PRKCE: variants seen among roughly 807,000 people sequenced by gnomAD.
PRKCE encodes the protein protein kinase C epsilon type.
Under a neutral mutation model 85.4 loss-of-function variants are expected in PRKCE, and 16 were observed. The ratio of observed to expected loss-of-function variants is 0.19; its 90% CI spans 0.13 to 0.28. PRKCE has a LOEUF of 0.28. Ranked by LOEUF, PRKCE falls within the 10% of genes least tolerant of loss-of-function variation. The pLI, the probability that PRKCE is intolerant of heterozygous loss-of-function variation, is 1.00. For missense variants in PRKCE, 573 were observed against 975.2 expected, an observed-to-expected ratio of 0.59 and a Z score of 5.49; for synonymous variants, 388 against 371.5, an observed-to-expected ratio of 1.04 and a Z score of -0.51.
rs988763248 is a variant in PRKCE at position 46,041,639 on chromosome 2, A to G, written c.1437+31122A>G. ...TTACCAAGTTAACTGCCAAGTCACA[A>G]ATAATAGCTTTTTCCCTTAACTTGG... On this transcript the variant is annotated intron_variant, in intron 10 of 14. Coordinates refer to ENST00000306156, the MANE Select transcript of PRKCE (RefSeq NM_005400.3). The surrounding 1 kb of genome is among the most constrained non-coding windows in gnomAD (Gnocchi z 5.5). 1.3e-5 allele frequency among the ~76,000 whole-genome samples: 2 copies of G among 152,248 alleles called. No individual in the cohort carries two copies. The highest frequency in any genetic ancestry group is 4.8e-5 in the African/African-American group (2 of 41,466).
intron 1 of PRKCE, among the ~76,000 whole-genome samples, chr2:45,666,319 A>C (rs1285639107): frequency 1.3e-5 from 2 of 151,930 alleles, no homozygotes; most frequent in Admixed American, 1.3e-4. Flanking sequence ...TCATGGCACT[A>C]AATACCCTTC....
chr2:46,105,466 A>G (rs1344142302), intron 11 of PRKCE, among the ~76,000 whole-genome samples: 3 of 144,928 alleles, frequency 2.1e-5, no homozygotes, highest in Non-Finnish European at 4.5e-5. Flanking sequence ...TTTTTTTTTC[A>G]CAATAGTGCT....
At chr2:45,910,465 C>G (rs1055286939) in intron 2 of PRKCE, among the ~76,000 whole-genome samples, 1 of 152,136 alleles carries the variant, frequency 6.6e-6, no homozygotes, top group Non-Finnish European at 1.5e-5. Context: ...GTGAGTTGCA[C>G]GATAGAAAGG....
chr2:46,049,076 T>C (rs1396420877), intron 10 of PRKCE, among the ~76,000 whole-genome samples: 1 of 152,202 alleles, frequency 6.6e-6, no homozygotes, highest in Non-Finnish European at 1.5e-5. Flanking sequence ...AGTCCCGTGA[T>C]GTCTCTTACC....
chr2:45,906,335 G>A (rs1025193579), intron 2 of PRKCE, among the ~76,000 whole-genome samples: 2 of 152,238 alleles, frequency 1.3e-5, no homozygotes, highest in African/African-American at 2.4e-5. Context: ...GGTTTCTGGA[G>A]GCAGGAAGTC....
At chr2:45,708,997 C>T (rs1038891381) in intron 1 of PRKCE, among the ~76,000 whole-genome samples, 6 of 152,210 alleles carry the variant, frequency 3.9e-5, no homozygotes, top group Non-Finnish European at 7.3e-5. Flanking sequence ...TGGGGATTTA[C>T]CTGTTACTCT....
At chr2:46,183,717 C>A (rs1254179840) in intron 14 of PRKCE, among the ~76,000 whole-genome samples, 1 of 152,198 alleles carries the variant, frequency 6.6e-6, no homozygotes, top group Non-Finnish European at 1.5e-5. Context: ...CTTCTCCCTG[C>A]CAAGGTGCCT....
chr2:45,989,323 T>C (rs2104633534), intron 6 of PRKCE, among the ~76,000 whole-genome samples: 1 of 152,362 alleles, frequency 6.6e-6, no homozygotes, highest in East Asian at 1.9e-4. Flanking sequence ...ACTGCTCTGA[T>C]CTGCGGCTGT....
intron 2 of PRKCE, among the ~76,000 whole-genome samples, chr2:45,933,275 G>A (rs2104081169): frequency 6.6e-6 from 1 of 152,244 alleles, no homozygotes; most frequent in South Asian, 2.1e-4. Flanking sequence ...GGCTTACCTT[G>A]TAGTTCCTTA....
At chr2:45,874,224 C>T (rs972036638) in intron 2 of PRKCE, among the ~76,000 whole-genome samples, 1 of 152,230 alleles carries the variant, frequency 6.6e-6, no homozygotes, top group Non-Finnish European at 1.5e-5. Context: ...GTGGGAGTCC[C>T]TTTTCTCCTG....
At chr2:45,978,866 C>A in intron 3 of PRKCE, 110 bp from the exon 4 acceptor site, 1 of 848,664 alleles carries the variant, frequency 1.2e-6, no homozygotes, top group Non-Finnish European at 1.9e-6. Context: ...CTGCATACTT[C>A]ATGTACTTGG....
At chr2:46,071,940 A>G (rs1211575764) in intron 10 of PRKCE, among the ~76,000 whole-genome samples, 1 of 152,214 alleles carries the variant, frequency 6.6e-6, no homozygotes, top group Non-Finnish European at 1.5e-5. Flanking sequence ...TACAGGGTGT[A>G]GACTGGAGTC....
At chr2:45,705,922 G>C (rs1049571646) in intron 1 of PRKCE, among the ~76,000 whole-genome samples, 1 of 152,194 alleles carries the variant, frequency 6.6e-6, no homozygotes, top group African/African-American at 2.4e-5. Flanking sequence ...CCTGGGTGTG[G>C]AGTGGGGCCT....
chr2:45,850,375 G>A (rs1370167514), intron 2 of PRKCE, among the ~76,000 whole-genome samples: 9 of 152,158 alleles, frequency 5.9e-5, no homozygotes, highest in Non-Finnish European at 8.8e-5. Flanking sequence ...TTCTATCTCC[G>A]TTGTCTTGCT....
chr2:45,809,665 C>T (rs1382206910), intron 1 of PRKCE, among the ~76,000 whole-genome samples: 1 of 151,598 alleles, frequency 6.6e-6, no homozygotes, highest in Non-Finnish European at 1.5e-5. Flanking sequence ...GGGCGGATCA[C>T]CTGAGGTCAG....
At chr2:46,049,028 C>G (rs1402402026) in intron 10 of PRKCE, among the ~76,000 whole-genome samples, 2 of 152,178 alleles carry the variant, frequency 1.3e-5, no homozygotes, top group Non-Finnish European at 2.9e-5. Context: ...TTTAGTTAGG[C>G]TCTTCTCTGT....
intron 2 of PRKCE, among the ~76,000 whole-genome samples, chr2:45,890,155 T>C (rs1313999154): frequency 6.6e-6 from 1 of 152,236 alleles, no homozygotes; most frequent in Non-Finnish European, 1.5e-5. Flanking sequence ...TTGGTAGTTA[T>C]GATTTAATCT....
chr2:45,978,872 C>A (rs1193461852), intron 3 of PRKCE, 104 bp from the exon 4 acceptor site: 2 of 890,436 alleles, frequency 2.2e-6, no homozygotes, highest in East Asian at 2.4e-5. Context: ...ACTTCATGTA[C>A]TTGGTGCTAT....
chr2:45,819,346 T>A (rs1224613092), intron 1 of PRKCE, among the ~76,000 whole-genome samples: 1 of 152,216 alleles, frequency 6.6e-6, no homozygotes, highest in Non-Finnish European at 1.5e-5. Context: ...GGTACCCATC[T>A]TGCTCTTGTC....
Sources: gnomAD v4.1 joint callset for allele counts (sites outside exome capture counted in the v4.1 genomes callset) on GRCh38, gnomAD v4.1.1 for gene constraint, Gnocchi (gnomAD v3.1) non-coding constraint, MANE v1.5 for transcripts, NCBI Gene and HGNC (gene_info 2026-07-23, HGNC 2026-07-21) for gene names.